The following SV2C variants were observed in gnomAD, a reference collection of about 807,000 sequenced individuals.
SV2C encodes synaptic vesicle glycoprotein 2C.
In SV2C, 49 loss-of-function variants were observed where a neutral mutation model predicts 79.7. The ratio of observed to expected loss-of-function variants is 0.61; its 90% CI spans 0.49 to 0.78. SV2C has a LOEUF of 0.78. Ranked by LOEUF, SV2C falls within the 30% of genes least tolerant of loss-of-function variation. The pLI, the probability that SV2C is intolerant of heterozygous loss-of-function variation, is 0.00. For synonymous variants in SV2C, 334 were observed against 333.2 expected, an observed-to-expected ratio of 1.00 and a Z score of -0.03; for missense variants, 833 against 912.9, an observed-to-expected ratio of 0.91 and a Z score of 1.13.
At chr5:76,061,387 CA>C in the SV2C span, among the ~76,000 whole-genome samples, 1 of 149,530 alleles carries the variant, frequency 6.7e-6, no homozygotes, top group South Asian at 2.1e-4. Flanking sequence ...TAAAGGATCA[CA>C]AATATTTTGA....
chr5:76,225,687 T>C (rs1306429320), intron 4 of SV2C, among the ~76,000 whole-genome samples: 3 of 152,190 alleles, frequency 2.0e-5, no homozygotes, highest in Non-Finnish European at 4.4e-5. Flanking sequence ...CAATGATTAG[T>C]AGCACATCTT....
the SV2C span, among the ~76,000 whole-genome samples, chr5:76,071,293 T>C: frequency 2.0e-5 from 3 of 152,144 alleles, no homozygotes; most frequent in Non-Finnish European, 4.4e-5. Flanking sequence ...CTGGAAAGTA[T>C]GTGGAGAAGA....
intron 1 of SV2C, among the ~76,000 whole-genome samples, chr5:76,111,372 G>T (rs891924596): frequency 4.6e-5 from 7 of 152,176 alleles, no homozygotes; most frequent in Non-Finnish European, 8.8e-5. Context: ...AGCAAAGGTG[G>T]TTATTAATGA....
chr5:75,987,768 T>G, the SV2C span, among the ~76,000 whole-genome samples: 38 of 151,966 alleles, frequency 2.5e-4, no homozygotes, highest in Non-Finnish European at 4.1e-4. Context: ...TTGCAAAGCA[T>G]AAAAATAAAG....
chr5:75,911,245 C>T, the SV2C span: 5 of 1,532,200 alleles, frequency 3.3e-6, no homozygotes, highest in Non-Finnish European at 4.5e-6. Context: ...TGGCAAGTCC[C>T]AGGAGGAAGT....
At chr5:76,068,492 T>C in the SV2C span, among the ~76,000 whole-genome samples, 1 of 152,122 alleles carries the variant, frequency 6.6e-6, no homozygotes, top group Admixed American at 6.6e-5. Context: ...TTGAGATTGT[T>C]CCATAGTGTG....
chr5:76,290,558 A>C (rs1747526729), intron 6 of SV2C, among the ~76,000 whole-genome samples: 1 of 152,214 alleles, frequency 6.6e-6, no homozygotes, highest in Non-Finnish European at 1.5e-5. Context: ...CTTCCTTAGC[A>C]AAAAGAGGCT....
the SV2C span, among the ~76,000 whole-genome samples, chr5:75,963,697 C>T: frequency 3.9e-5 from 6 of 152,136 alleles, no homozygotes; most frequent in South Asian, 6.2e-4. Flanking sequence ...ATGAAAGATT[C>T]GAGTGTCTCT....
chr5:76,082,041 GAT>G (rs1747005910), upstream of SV2C: 1 of 152,306 alleles, frequency 6.6e-6, no homozygotes, highest in African/African-American at 2.4e-5. Flanking sequence ...TTCGCGGAGA[GAT>G]GTGTGTGTTT....
chr5:76,111,614 C>T (rs1043487072), intron 1 of SV2C, among the ~76,000 whole-genome samples: 9 of 152,080 alleles, frequency 5.9e-5, no homozygotes, highest in Non-Finnish European at 1.0e-4. Context: ...CCGTACTGGC[C>T]GTGGCAGAAA....
At chr5:76,297,275 T>C (rs1386218944) in intron 9 of SV2C, among the ~76,000 whole-genome samples, 4 of 152,190 alleles carry the variant, frequency 2.6e-5, no homozygotes, top group African/African-American at 9.6e-5. Flanking sequence ...AAATGGCAAC[T>C]CTTTATATAC....
intron 2 of SV2C, among the ~76,000 whole-genome samples, chr5:76,151,019 AC>A (rs1207019440): frequency 6.6e-6 from 1 of 152,150 alleles, no homozygotes; most frequent in Non-Finnish European, 1.5e-5. Context: ...CCAGATACAA[AC>A]TATCTGCAAA....
At chr5:76,163,014 C>T (rs1055042246) in intron 2 of SV2C, among the ~76,000 whole-genome samples, 1 of 152,142 alleles carries the variant, frequency 6.6e-6, no homozygotes, top group Non-Finnish European at 1.5e-5. Context: ...AACCAGAATT[C>T]AGAGGAATCC....
At position 76,131,886 on chromosome 5, in the gene SV2C, T is replaced by C; in HGVS notation, c.136T>C (p.Tyr46His). ...RAQDEYTQRS[Y>H]SRFQDEEDDD... ...CCAGGATGAATACACCCAGAGGTCC[T>C]ACAGTCGGTTCCAAGATGAAGAAGA... The change falls in exon 2 of 13, where the codon TAC (tyrosine) becomes CAC (histidine). Residue 46 changes from tyrosine (Y) to histidine (H), a missense_variant. Transcript: ENST00000502798. 6.2e-7 allele frequency: 1 copy of C among 1,614,072 alleles called. No homozygotes were observed. The highest frequency in any genetic ancestry group is 2.2e-5 in the East Asian group (1 of 44,856).
At chr5:76,042,457 G>A in the SV2C span, among the ~76,000 whole-genome samples, 3 of 152,182 alleles carry the variant, frequency 2.0e-5, no homozygotes, top group Non-Finnish European at 4.4e-5. Flanking sequence ...TTTCATAAAT[G>A]TTGAGGCCCT....
chr5:76,216,217 CA>C (rs934486229), intron 4 of SV2C, among the ~76,000 whole-genome samples: 3 of 152,136 alleles, frequency 2.0e-5, no homozygotes, highest in Non-Finnish European at 4.4e-5. Context: ...TCACTGCTAT[CA>C]GAGTTGAAAT....
At chr5:76,205,554 A>G (rs1196366501) in intron 3 of SV2C, among the ~76,000 whole-genome samples, 2 of 152,192 alleles carry the variant, frequency 1.3e-5, no homozygotes, top group African/African-American at 4.8e-5. Flanking sequence ...TGCTTCATTT[A>G]TGTAAATGTT....
intron 12 of SV2C, among the ~76,000 whole-genome samples, chr5:76,341,637 G>A (rs1016835339): frequency 1.3e-5 from 2 of 152,204 alleles, no homozygotes; most frequent in Non-Finnish European, 2.9e-5. Flanking sequence ...AATTAGAAAT[G>A]ATGATAGTTT....
the SV2C span, among the ~76,000 whole-genome samples, chr5:75,939,945 C>T: frequency 5.3e-5 from 8 of 152,132 alleles, no homozygotes; most frequent in East Asian, 3.9e-4. Context: ...TCCCTTGCCC[C>T]GCCTTCAGTT....
Sources: allele counts gnomAD v4.1 joint callset (sites outside exome capture counted in the v4.1 genomes callset), GRCh38; gene constraint gnomAD v4.1.1; transcripts MANE v1.5; gene names NCBI Gene and HGNC (gene_info 2026-07-23, HGNC 2026-07-21).